ASTN2: variants seen among roughly 807,000 people sequenced by gnomAD.
ASTN2 encodes astrotactin 2.
A neutral mutation model predicts 139.8 loss-of-function variants in ASTN2; 54 were observed. The observed-to-expected ratio is 0.39, with a 90% CI of 0.31 to 0.48. The LOEUF is 0.48. ASTN2 is among the 20% of genes least tolerant of loss of function. The probability of loss-of-function intolerance (pLI) is 0.95; values close to 1 mark genes in which losing one functional copy is unlikely to be tolerated. For missense variants in ASTN2, 1,565 were observed against 1,725.1 expected (o/e 0.91, Z 1.64); for synonymous variants, 756 against 719.5 (o/e 1.05, Z -0.81).
At chr9:116,552,375 T>C (rs975438771) in intron 19 of ASTN2, among the ~76,000 whole-genome samples, 1 of 152,194 alleles carries the variant, frequency 6.6e-6, no homozygotes, top group African/African-American at 2.4e-5. Flanking sequence ...TATTTAAACA[T>C]AGAACTATTT....
In ASTN2 at chr9:117,042,334, G is replaced by A. The variant is rs139813198; in HGVS notation, c.1277-2369C>T. Among the ~76,000 whole-genome samples the A allele has an allele frequency of 2.3e-3, 348 of 152,212 alleles. 1 individual carries two copies. Among genetic ancestry groups the A allele is most frequent in the African/African-American group, 8.2e-3 (339 of 41,542 alleles). The stretch of plus-strand genomic sequence containing the variant: ...AAGATCCCACCTTCATCATCTTTGT[G>A]TTTCTTATGCCAAAATCACCACCTG... On this transcript the variant is annotated intron_variant, in intron 5 of 22. Transcript: ENST00000313400.
chr9:117,100,753 T>C (rs1275646909), intron 4 of ASTN2, among the ~76,000 whole-genome samples: 1 of 152,210 alleles, frequency 6.6e-6, no homozygotes, highest in Non-Finnish European at 1.5e-5. Context: ...ATTTGGATTT[T>C]TGACCTGGAT....
intron 16 of ASTN2, among the ~76,000 whole-genome samples, chr9:116,686,403 A>G (rs745426698): frequency 5.8e-4 from 89 of 152,140 alleles, no homozygotes; most frequent in Non-Finnish European, 1.1e-3. Context: ...TTATTGTTTT[A>G]TCATTGTGCA....
intron 4 of ASTN2, among the ~76,000 whole-genome samples, chr9:117,132,172 C>T (rs1392705455): frequency 6.6e-6 from 1 of 152,042 alleles, no homozygotes; most frequent in Non-Finnish European, 1.5e-5. Flanking sequence ...ATCCAAAAAA[C>T]CTTGCAGCTC....
intron 19 of ASTN2, chr9:116,584,583 C>A (rs1017313693): frequency 6.6e-6 from 1 of 152,080 alleles, no homozygotes; most frequent in African/African-American, 2.4e-5. Context: ...TAAAAAAATA[C>A]AACTAGCATT....
chr9:116,763,191 G>T (rs1829718924), intron 13 of ASTN2, among the ~76,000 whole-genome samples: 1 of 152,164 alleles, frequency 6.6e-6, no homozygotes, highest in South Asian at 2.1e-4. Context: ...GTTTGTCACT[G>T]TCTATGCAAT....
At position 116,572,288 on chromosome 9, in the gene ASTN2, G is replaced by A. The variant is rs544473380; in HGVS notation, c.3355+46036C>T. ...CAGCCTGGAGAAAGGTCAGCTGGCC[G>A]CCTTCCCCAGGGCCTGCCTGGATCC... On this transcript the variant is annotated intron_variant, in intron 19 of 22. Transcript: ENST00000313400. Among the ~76,000 whole-genome samples the A allele has an allele frequency of 1.8e-3, 268 of 152,284 alleles. 2 individuals carry two copies. The highest frequency in any genetic ancestry group is 4.8e-3 in the South Asian group (23 of 4,812).
intron 2 of ASTN2, among the ~76,000 whole-genome samples, chr9:117,234,173 C>G (rs1182806223): frequency 6.6e-6 from 1 of 152,182 alleles, no homozygotes; most frequent in Non-Finnish European, 1.5e-5. Flanking sequence ...AGAGACAACT[C>G]CTCTCCTCCC....
At chr9:116,573,013 G>GCACA (rs143295727) in intron 19 of ASTN2, among the ~76,000 whole-genome samples, 59,387 of 136,640 alleles carry the variant, frequency 0.43, 12,345 homozygotes, top group Admixed American at 0.53. Flanking sequence ...GTGGGTACAT[G>GCACA]CACACACACA....
At chr9:117,377,415 A>C (rs1332172705) in intron 1 of ASTN2, among the ~76,000 whole-genome samples, 1 of 152,182 alleles carries the variant, frequency 6.6e-6, no homozygotes, top group African/African-American at 2.4e-5. Flanking sequence ...AGAATTGCTA[A>C]TGGCTTGCAG....
intron 13 of ASTN2, among the ~76,000 whole-genome samples, chr9:116,793,836 T>C (rs1416093941): frequency 6.6e-6 from 1 of 152,170 alleles, no homozygotes; most frequent in African/African-American, 2.4e-5. Context: ...GCATAATTCA[T>C]GTGTATTGAG....
chr9:116,725,928 G>C lies in ASTN2; in HGVS notation c.2649C>G (p.Ile883Met), dbSNP rs1464764852. ...LAAGFTNVLK[I>M]LTKESSREEL... Reference sequence around the variant, plus strand: ...CCTCCCGACTGCTCTCCTTGGTCAGGATCTTGAGAACATTAGTGAAGCCTG... The same window carrying C: ...CCTCCCGACTGCTCTCCTTGGTCAGCATCTTGAGAACATTAGTGAAGCCTG... Residue 883 changes from isoleucine to methionine, a missense_variant, in exon 16 of 23, where the codon ATC (isoleucine) becomes ATG (methionine). Ile to Met is a conservative substitution (Grantham distance 10). Around this residue, in one of 4 missense-constraint regions of ASTN2, gnomAD observed 503 missense variants for 591.7 expected, o/e 0.85. Coordinates refer to ENST00000313400, the MANE Select transcript of ASTN2 (RefSeq NM_001365068.1). 6.2e-7 allele frequency: 1 copy of C among 1,613,396 alleles called. No homozygotes were observed. Among genetic ancestry groups the C allele is most frequent in the Non-Finnish European group, 8.5e-7 (1 of 1,179,816 alleles).
chr9:116,428,089 G>A (rs777754482), intron 22 of ASTN2, among the ~76,000 whole-genome samples: 1 of 152,234 alleles, frequency 6.6e-6, no homozygotes, highest in Non-Finnish European at 1.5e-5. Flanking sequence ...AATGACAAAA[G>A]CAATTATAAA....
At chr9:117,202,457 T>C (rs751835027) in intron 3 of ASTN2, among the ~76,000 whole-genome samples, 2 of 152,228 alleles carry the variant, frequency 1.3e-5, no homozygotes, top group Non-Finnish European at 2.9e-5. Flanking sequence ...TATTTTGGTG[T>C]ATTTTTGCAG....
intron 19 of ASTN2, among the ~76,000 whole-genome samples, chr9:116,517,977 A>C (rs976839102): frequency 6.6e-6 from 1 of 152,152 alleles, no homozygotes; most frequent in Non-Finnish European, 1.5e-5. Flanking sequence ...AACTTCAAAA[A>C]ATGAAAAAAG....
At chr9:116,859,995 G>A (rs1832835394) in intron 11 of ASTN2, among the ~76,000 whole-genome samples, 1 of 152,206 alleles carries the variant, frequency 6.6e-6, no homozygotes, top group Non-Finnish European at 1.5e-5. Flanking sequence ...ACCTTGTGGT[G>A]GAATAAAGTG....
intron 20 of ASTN2, among the ~76,000 whole-genome samples, chr9:116,447,932 C>T (rs1848051886): frequency 6.6e-6 from 1 of 152,134 alleles, no homozygotes; most frequent in African/African-American, 2.4e-5. Flanking sequence ...ATCCAAGACC[C>T]CAGACCTCCT....
rs545512482 is a variant in ASTN2 at position 116,612,376 on chromosome 9, T to A, written c.3355+5948A>T. On this transcript the variant is annotated intron_variant, in intron 19 of 22. Coordinates refer to ENST00000313400, the MANE Select transcript of ASTN2 (RefSeq NM_001365068.1). ...TCAGCTCTGCACCAAGCGGACCTAA[T>A]AGACATCTACAGAACTATCCACCCC... The A allele has an allele frequency of 2.6e-5, 4 of 152,288 alleles. No homozygotes were observed. In the South Asian group the frequency reaches 8.3e-4, roughly 32 times the overall value. 9.4% of individuals were successfully genotyped at this position (152,288 alleles called of 1,614,324 possible).
intron 4 of ASTN2, among the ~76,000 whole-genome samples, chr9:117,113,588 G>A (rs758966975): frequency 6.6e-5 from 10 of 152,108 alleles, no homozygotes; most frequent in Non-Finnish European, 1.2e-4. Flanking sequence ...CACAGGAGGT[G>A]GAGGTTGCAG....
Sources: allele counts gnomAD v4.1 joint callset (sites outside exome capture counted in the v4.1 genomes callset), GRCh38; gene constraint gnomAD v4.1.1; regional missense constraint gnomAD v4.1.1; transcripts MANE v1.5; gene names NCBI Gene and HGNC (gene_info 2026-07-23, HGNC 2026-07-21).